ATP8A2: variants seen among roughly 807,000 people sequenced by gnomAD.
ATP8A2 encodes ATPase phospholipid transporting 8A2, also known as phospholipid-transporting ATPase IB.
Under a neutral mutation model 165.6 loss-of-function variants are expected in ATP8A2, and 100 were observed. The ratio of observed to expected loss-of-function variants is 0.60; its 90% CI spans 0.51 to 0.71. The LOEUF is 0.71. ATP8A2 is among the 30% of genes least tolerant of loss of function. The probability of loss-of-function intolerance (pLI) is 0.00; values close to 1 mark genes in which losing one functional copy is unlikely to be tolerated. For missense variants in ATP8A2, 1,227 were observed against 1,479.5 expected (o/e 0.83, Z 2.80); for synonymous variants, 543 against 548.8 (o/e 0.99, Z 0.15).
intron 24 of ATP8A2, among the ~76,000 whole-genome samples, chr13:25,634,477 C>T (rs1463177148): frequency 1.3e-5 from 2 of 152,100 alleles, no homozygotes; most frequent in African/African-American, 4.8e-5. Context: ...TGTCAAAAAT[C>T]GAACCCAAAA....
intron 33 of ATP8A2, among the ~76,000 whole-genome samples, chr13:25,939,329 T>G (rs1955003643): frequency 6.6e-6 from 1 of 152,218 alleles, no homozygotes; most frequent in South Asian, 2.1e-4. Context: ...ATCTGGTTAT[T>G]TGTTTGCCCG....
chr13:25,628,362 T>G (rs1489933483), intron 24 of ATP8A2, among the ~76,000 whole-genome samples: 1 of 152,186 alleles, frequency 6.6e-6, no homozygotes, highest in South Asian at 2.1e-4. Flanking sequence ...ATGTCCTGAT[T>G]GTGGAATGTC....
chr13:25,754,183 A>G (rs1255639529), intron 25 of ATP8A2, among the ~76,000 whole-genome samples: 17 of 152,210 alleles, frequency 1.1e-4, no homozygotes. Context: ...GTTGTTTAAT[A>G]TATTTTTCTT....
At chr13:25,508,924 T>C (rs901437740) in intron 2 of ATP8A2, among the ~76,000 whole-genome samples, 2 of 152,194 alleles carry the variant, frequency 1.3e-5, no homozygotes, top group African/African-American at 4.8e-5. Flanking sequence ...TTCTCATCCT[T>C]CTTCTGTTAG....
chr13:25,950,614 T>C (rs1442506353), intron 33 of ATP8A2: 2 of 152,160 alleles, frequency 1.3e-5, no homozygotes, highest in Non-Finnish European at 2.9e-5. Context: ...CACACCCCAT[T>C]CTCTATGTCC....
chr13:25,966,807 G>A (rs1051102193), intron 34 of ATP8A2, among the ~76,000 whole-genome samples: 7 of 152,166 alleles, frequency 4.6e-5, no homozygotes, highest in African/African-American at 1.7e-4. Context: ...GGTTCCCAGT[G>A]GCCAACCTTC....
At chr13:25,814,943 G>T (rs1218416449) in intron 27 of ATP8A2, among the ~76,000 whole-genome samples, 1 of 151,976 alleles carries the variant, frequency 6.6e-6, no homozygotes, top group Non-Finnish European at 1.5e-5. Context: ...GAGGTGGGAG[G>T]ATCACCTGAG....
rs113002008 is a variant in ATP8A2, at chr13:25,541,150, A to G, written c.651+762A>G. Among the ~76,000 whole-genome samples, 539 of 152,160 alleles carry G rather than the reference A, an allele frequency of 3.5e-3. 9 individuals carry two copies. The highest frequency in any genetic ancestry group is 0.012 in the African/African-American group (490 of 41,510). The stretch of plus-strand genomic sequence containing the variant: ...AAAGTGCTGGGATTACAGGCATGAG[A>G]TACTGCACCTGGCCAAGAATGAAGA... On this transcript the variant is annotated intron_variant, in intron 8 of 36. Transcript: ENST00000381655.
chr13:25,936,188 A>G (rs1320961236), intron 33 of ATP8A2, among the ~76,000 whole-genome samples: 2 of 152,280 alleles, frequency 1.3e-5, no homozygotes, highest in South Asian at 2.1e-4. Flanking sequence ...TGTGTTGCAA[A>G]TGGTTTGAAC....
chr13:25,980,174 G>A (rs1956147297), intron 35 of ATP8A2, among the ~76,000 whole-genome samples: 1 of 152,194 alleles, frequency 6.6e-6, no homozygotes, highest in African/African-American at 2.4e-5. Context: ...CCCGCTGGGT[G>A]TGGGGCAGGA....
chr13:25,577,048 T>G, intron 19 of ATP8A2, 21 bp from the exon 20 acceptor site: 1 of 1,556,094 alleles, frequency 6.4e-7, no homozygotes, highest in South Asian at 1.1e-5. Context: ...AATGATGACT[T>G]TTTTTTTTTC....
At chr13:25,840,730 G>A (rs976084395) in intron 30 of ATP8A2, among the ~76,000 whole-genome samples, 11 of 152,188 alleles carry the variant, frequency 7.2e-5, no homozygotes, top group South Asian at 4.1e-4. Flanking sequence ...ATACGTATAA[G>A]AGTTTGGGAT....
chr13:25,763,373 C>T (rs2044423694), intron 25 of ATP8A2, among the ~76,000 whole-genome samples: 1 of 152,170 alleles, frequency 6.6e-6, no homozygotes, highest in African/African-American at 2.4e-5. Flanking sequence ...CTCTAAGGCA[C>T]ACTCTCTTGC....
At chr13:25,795,604 T>TC (rs957271087) in intron 27 of ATP8A2, among the ~76,000 whole-genome samples, 38 of 152,160 alleles carry the variant, frequency 2.5e-4, no homozygotes, top group African/African-American at 9.2e-4. Context: ...AGGACTTTTT[T>TC]CCCCCTCTTT....
At chr13:25,764,593 C>G (rs2044452593) in intron 25 of ATP8A2, among the ~76,000 whole-genome samples, 1 of 152,180 alleles carries the variant, frequency 6.6e-6, no homozygotes, top group African/African-American at 2.4e-5. Flanking sequence ...ACAGGCCCAG[C>G]CCAGGCTTTC....
At chr13:25,715,158 G>A (rs2043229879) in intron 25 of ATP8A2, among the ~76,000 whole-genome samples, 1 of 152,162 alleles carries the variant, frequency 6.6e-6, no homozygotes, top group Admixed American at 6.5e-5. Flanking sequence ...CAACTACTAT[G>A]TGTATGTGTT....
At chr13:25,725,909 T>G (rs774822522) in intron 25 of ATP8A2, among the ~76,000 whole-genome samples, 8 of 152,164 alleles carry the variant, frequency 5.3e-5, no homozygotes, top group Non-Finnish European at 1.0e-4. Flanking sequence ...GGAACTATAG[T>G]AGGAGTTTTA....
intron 2 of ATP8A2, chr13:25,517,091 T>TC (rs1178875041): frequency 6.6e-6 from 1 of 151,464 alleles, no homozygotes; most frequent in Non-Finnish European, 1.5e-5. Flanking sequence ...ACATTTTTTT[T>TC]TTTTTTTTTA....
At chr13:25,912,809 A>G (rs1954157861) in intron 33 of ATP8A2, among the ~76,000 whole-genome samples, 1 of 152,184 alleles carries the variant, frequency 6.6e-6, no homozygotes, top group South Asian at 2.1e-4. Flanking sequence ...TCCGACCTCC[A>G]TTACGGTAAC....
Sources: gnomAD v4.1 joint callset for allele counts (sites outside exome capture counted in the v4.1 genomes callset) on GRCh38, gnomAD v4.1.1 for gene constraint, MANE v1.5 for transcripts, NCBI Gene and HGNC (gene_info 2026-07-23, HGNC 2026-07-21) for gene names.